The following PSEN1 variants were observed in gnomAD, a reference collection of about 807,000 sequenced individuals.
The protein encoded by PSEN1 is presenilin 1.
A neutral mutation model predicts 53.5 loss-of-function variants in PSEN1; 15 were observed. That is an observed-to-expected ratio of 0.28 (90% CI 0.19 to 0.43). The LOEUF (loss-of-function observed/expected upper bound fraction) is 0.43. Ranked by LOEUF, PSEN1 falls within the 20% of genes least tolerant of loss-of-function variation. The probability of loss-of-function intolerance (pLI) is 1.00; values close to 1 mark genes in which losing one functional copy is unlikely to be tolerated. For synonymous variants in PSEN1, 208 were observed against 209.8 expected (o/e 0.99, Z 0.08); for missense variants, 387 against 571.2 (o/e 0.68, Z 3.29).
chr14:73,220,304 C>T lies in PSEN1; in HGVS notation c.*1015C>T, dbSNP rs200984558. On this transcript the variant is annotated 3_prime_UTR_variant, in exon 12 of 12. Coordinates refer to ENST00000324501, the MANE Select transcript of PSEN1 (RefSeq NM_000021.4). ...ATGATGAAAAGAATGTGTTATGAATCGGTGCTGTCAGCCCTGCTGTCAGAC... is the reference window on the plus strand; with the variant it reads ...ATGATGAAAAGAATGTGTTATGAATTGGTGCTGTCAGCCCTGCTGTCAGAC... 1 of 152,576 alleles carries T rather than the reference C, an allele frequency of 6.6e-6. No homozygotes were observed. The highest frequency in any genetic ancestry group is 1.5e-5 in the Non-Finnish European group (1 of 68,042). 9.5% of individuals were successfully genotyped at this position (152,576 alleles called of 1,614,324 possible). A position where few individuals can be genotyped will look rare whatever the true frequency, so the allele number is the denominator to read the frequency against.
At chr14:73,174,376 G>C (rs892103644) in intron 5 of PSEN1, among the ~76,000 whole-genome samples, 9 of 152,128 alleles carry the variant, frequency 5.9e-5, no homozygotes, top group Admixed American at 5.2e-4. Flanking sequence ...TGGGATTACA[G>C]GTGTGTGCCA....
chr14:73,155,234 G>A (rs1002387104), intron 3 of PSEN1, among the ~76,000 whole-genome samples: 1 of 152,188 alleles, frequency 6.6e-6, no homozygotes, highest in Non-Finnish European at 1.5e-5. Flanking sequence ...TGACTAAACA[G>A]TTGGACTTTG....
At chr14:73,160,439 G>T (rs1469948263) in intron 3 of PSEN1, among the ~76,000 whole-genome samples, 5 of 152,048 alleles carry the variant, frequency 3.3e-5, no homozygotes. Context: ...GGGATTGCTG[G>T]GTCATATGGT....
rs182230408 is a variant in PSEN1, at chr14:73,219,572, G to T, written c.*283G>T. ...GAGGTCAAGGAGATATGATAGGCCC[G>T]GAAGTTGCTGTGCCCCATCAGCAGC... On this transcript the variant is annotated 3_prime_UTR_variant, in exon 12 of 12. Coordinates refer to ENST00000324501, the MANE Select transcript of PSEN1 (RefSeq NM_000021.4). 4.7e-6 allele frequency: 2 copies of T among 429,508 alleles called. No individual in the cohort carries two copies. The highest frequency in any genetic ancestry group is 4.0e-5 in the African/African-American group (2 of 49,698). The allele number at this position is 429,508 out of a possible 1,614,324, so 26.6% of individuals were successfully genotyped here.
chr14:73,214,586 T>C (rs560558938), intron 10 of PSEN1, among the ~76,000 whole-genome samples: 4 of 152,278 alleles, frequency 2.6e-5, no homozygotes, highest in African/African-American at 4.8e-5. Flanking sequence ...TGTCTTACAT[T>C]TCTAATTAAA....
At chr14:73,154,291 C>T (rs1435588773) in intron 3 of PSEN1, among the ~76,000 whole-genome samples, 3 of 152,092 alleles carry the variant, frequency 2.0e-5, no homozygotes, top group Non-Finnish European at 4.4e-5. Flanking sequence ...TATTCAACTA[C>T]ACACAATTAT....
chr14:73,204,202 T>A (rs1293471411), intron 8 of PSEN1, among the ~76,000 whole-genome samples: 1 of 152,068 alleles, frequency 6.6e-6, no homozygotes, highest in Non-Finnish European at 1.5e-5. Context: ...TTCTCCATGT[T>A]GGTCAGGCTG....
chr14:73,176,519 G>A (rs1181361084), intron 5 of PSEN1, among the ~76,000 whole-genome samples: 1 of 152,184 alleles, frequency 6.6e-6, no homozygotes, highest in Non-Finnish European at 1.5e-5. Flanking sequence ...GATAGGTGGA[G>A]CTCTGGACTC....
intron 1 of PSEN1, among the ~76,000 whole-genome samples, chr14:73,147,044 CTT>C (rs75227261): frequency 1.4e-5 from 2 of 138,326 alleles, no homozygotes; most frequent in Non-Finnish European, 1.6e-5. Context: ...GTCAGCCATT[CTT>C]TTTTTTTTTT....
At chr14:73,179,934 T>C (rs1182115414) in intron 5 of PSEN1, among the ~76,000 whole-genome samples, 1 of 152,178 alleles carries the variant, frequency 6.6e-6, no homozygotes, top group African/African-American at 2.4e-5. Context: ...CTGGAACCTT[T>C]CTTAATATAT....
At chr14:73,188,857 C>T (rs1362447279) in intron 6 of PSEN1, among the ~76,000 whole-genome samples, 1 of 151,380 alleles carries the variant, frequency 6.6e-6, no homozygotes, top group African/African-American at 2.4e-5. Flanking sequence ...GGTGTGATCT[C>T]GGCTCACAGG....
At chr14:73,140,769 A>G (rs1896903408) in intron 1 of PSEN1, among the ~76,000 whole-genome samples, 1 of 152,116 alleles carries the variant, frequency 6.6e-6, no homozygotes, top group Non-Finnish European at 1.5e-5. Flanking sequence ...TGCGATTCTA[A>G]GTCTTTGTTC....
In PSEN1 at chr14:73,195,298, G is replaced by A. The variant is rs556401968; in HGVS notation, c.769+2434G>A. 1.1e-4 allele frequency among the ~76,000 whole-genome samples: 17 copies of A among 152,082 alleles called. No homozygotes were observed. In the South Asian group the frequency reaches 2.3e-3, roughly 20 times the overall value. Reference sequence around the variant, plus strand: ...AGCGATTCTCCTGCCTCAGCCTTCCGAGTAGCTGGGACTACAAGTGCGCAC... The same window carrying A: ...AGCGATTCTCCTGCCTCAGCCTTCCAAGTAGCTGGGACTACAAGTGCGCAC... On this transcript the variant is annotated intron_variant, in intron 7 of 11. Coordinates refer to ENST00000324501, the MANE Select transcript of PSEN1 (RefSeq NM_000021.4).
At chr14:73,209,577 G>A (rs1899596302) in intron 9 of PSEN1, among the ~76,000 whole-genome samples, 1 of 152,198 alleles carries the variant, frequency 6.6e-6, no homozygotes. Flanking sequence ...CCCTGCCCTT[G>A]TGGAGCTTAT....
chr14:73,171,806 G>T (rs1280314603), intron 4 of PSEN1, among the ~76,000 whole-genome samples: 1 of 152,150 alleles, frequency 6.6e-6, no homozygotes. Context: ...GCAAAGAATT[G>T]AACATACTGG....
chr14:73,154,727 C>T (rs561674765), intron 3 of PSEN1, among the ~76,000 whole-genome samples: 20 of 152,254 alleles, frequency 1.3e-4, no homozygotes, highest in African/African-American at 4.3e-4. Context: ...TTAAAAGGAA[C>T]ATGAACAACT....
intron 5 of PSEN1, among the ~76,000 whole-genome samples, chr14:73,180,525 G>A (rs12882830): frequency 0.13 from 20,080 of 152,152 alleles, 1,715 homozygotes; most frequent in South Asian, 0.24. Flanking sequence ...ATCAGTGGTT[G>A]GTTATGCAAT....
chr14:73,196,538 A>G (rs1484354999), intron 7 of PSEN1, among the ~76,000 whole-genome samples: 1 of 128,610 alleles, frequency 7.8e-6, no homozygotes, highest in Non-Finnish European at 1.5e-5. Context: ...CAGTGGCGCC[A>G]TCTTGGCTCA....
chr14:73,201,184 G>C (rs1239915853), intron 8 of PSEN1, among the ~76,000 whole-genome samples: 3 of 152,072 alleles, frequency 2.0e-5, no homozygotes, highest in Admixed American at 6.6e-5. Context: ...CGCCTCCTGG[G>C]TTCAGCCATT....
Sources: allele counts gnomAD v4.1 joint callset (sites outside exome capture counted in the v4.1 genomes callset), GRCh38; gene constraint gnomAD v4.1.1; transcripts MANE v1.5; gene names NCBI Gene and HGNC (gene_info 2026-07-23, HGNC 2026-07-21).